Variants in PIEZO2 observed in about 807,000 individuals in gnomAD.
PIEZO2 encodes the protein piezo type mechanosensitive ion channel component 2, also known as piezo-type mechanosensitive ion channel component 2.
Under a neutral mutation model 337.3 loss-of-function variants are expected in PIEZO2, and 172 were observed. The observed-to-expected ratio is 0.51, with a 90% CI of 0.45 to 0.58. The LOEUF is 0.58. PIEZO2 is among the 20% of genes least tolerant of loss of function. PIEZO2 has a pLI of 0.00. For missense variants in PIEZO2, 3,028 were observed against 3,391.3 expected (o/e 0.89, Z 2.66); for synonymous variants, 1,251 against 1,228.5 (o/e 1.02, Z -0.38).
In PIEZO2 at chr18:11,033,301, T is replaced by C. The variant is rs142327325; in HGVS notation, c.160+32826A>G. On this transcript the variant is annotated intron_variant, in intron 2 of 55. Transcript: ENST00000674853. This position sits in a 1 kb window ranked among gnomAD's most constrained non-coding sequence, Gnocchi z 4.2. ...ATCTGACTCTAACATCATTCCTGGC[T>C]GTAGACACTAGACCACCAGGACTTA... Among the ~76,000 whole-genome samples, 42 of 152,314 alleles carry C rather than the reference T, an allele frequency of 2.8e-4. No homozygotes were observed. In the East Asian group the frequency reaches 7.3e-3, roughly 27 times the overall value.
At chr18:10,986,720 A>G (rs562573617) in intron 2 of PIEZO2, among the ~76,000 whole-genome samples, 1 of 152,128 alleles carries the variant, frequency 6.6e-6, no homozygotes, top group African/African-American at 2.4e-5. Flanking sequence ...ACTAACCGGA[A>G]CAGTTATGGT....
intron 21 of PIEZO2, among the ~76,000 whole-genome samples, chr18:10,769,332 A>T (rs1598455757): frequency 6.6e-6 from 1 of 152,174 alleles, no homozygotes; most frequent in Admixed American, 6.5e-5. Context: ...CCCATTTCAT[A>T]TGGTTTGTAT....
chr18:10,992,570 C>G (rs141979842), intron 2 of PIEZO2, among the ~76,000 whole-genome samples: 6,792 of 152,178 alleles, frequency 0.045, 213 homozygotes, highest in South Asian at 0.081. Flanking sequence ...GGCCTCTGTC[C>G]TGTTCTATTG....
chr18:11,019,594 T>C (rs2036240226), intron 2 of PIEZO2, among the ~76,000 whole-genome samples: 1 of 152,020 alleles, frequency 6.6e-6, no homozygotes, highest in African/African-American at 2.4e-5. Context: ...AGTTTTCTAG[T>C]TTCTCTTGTG....
chr18:11,125,184 T>C lies in PIEZO2; in HGVS notation c.64+23341A>G, dbSNP rs115193779. Among the ~76,000 whole-genome samples, 574 of 151,974 alleles carry C rather than the reference T, an allele frequency of 3.8e-3. 3 individuals carry two copies. The highest frequency in any genetic ancestry group is 6.8e-3 in the Non-Finnish European group (465 of 67,940). The stretch of plus-strand genomic sequence containing the variant: ...CACACACACATGCACACATACAAAA[T>C]ACACACACCGTCTATCCTGCCAGGC... On this transcript the variant is annotated intron_variant, in intron 1 of 55. Coordinates refer to ENST00000674853, the MANE Select transcript of PIEZO2 (RefSeq NM_001378183.1). The surrounding 1 kb of genome is among the most constrained non-coding windows in gnomAD (Gnocchi z 4.4).
chr18:10,729,888 G>A (rs2036697539), intron 36 of PIEZO2, among the ~76,000 whole-genome samples: 1 of 152,154 alleles, frequency 6.6e-6, no homozygotes, highest in Non-Finnish European at 1.5e-5. Context: ...ACTTAATAAT[G>A]TGTCAGGAAT....
chr18:11,102,679 G>A lies in PIEZO2; in HGVS notation c.65-36457C>T, dbSNP rs2039455359. 6.6e-6 allele frequency among the ~76,000 whole-genome samples: 1 copy of A among 152,182 alleles called. No individual in the cohort carries two copies. The highest frequency in any genetic ancestry group is 2.4e-5 in the African/African-American group (1 of 41,440). ...GCCCCCAGTGATCTGTCTCCAGAGG[G>A]AAAGGCACTGCCCCCTTCCAATTGC... On this transcript the variant is annotated intron_variant, in intron 1 of 55. Coordinates refer to ENST00000674853, the MANE Select transcript of PIEZO2 (RefSeq NM_001378183.1). This position sits in a 1 kb window ranked among gnomAD's most constrained non-coding sequence, Gnocchi z 5.7.
In PIEZO2 at chr18:10,863,252, G is replaced by A. The variant is rs542781700; in HGVS notation, c.493-6041C>T. Among the ~76,000 whole-genome samples the A allele has an allele frequency of 7.9e-5, 12 of 152,286 alleles. No homozygotes were observed. Among genetic ancestry groups the A allele is most frequent in the African/African-American group, 2.9e-4 (12 of 41,552 alleles). On this transcript the variant is annotated intron_variant, in intron 5 of 55. Coordinates refer to ENST00000674853, the MANE Select transcript of PIEZO2 (RefSeq NM_001378183.1). The surrounding 1 kb of genome is among the most constrained non-coding windows in gnomAD (Gnocchi z 4.3). ...TGCAGAAGATGAATTTCATCCCCAG[G>A]GTTCCCTTGTGAAAGGAAGCAGTGA...
rs58957134 is a variant in PIEZO2 at position 10,952,882 on chromosome 18, CCTTT to C, written c.286+26649_286+26652del. 0.42 allele frequency among the ~76,000 whole-genome samples: 63,578 copies of C among 150,480 alleles called. 14,220 individuals carry two copies. Among genetic ancestry groups the C allele is most frequent in the Non-Finnish European group, 0.51 (34,455 of 67,626 alleles). ...AATGCCTTCCCTTCCTTCCTTCCTT[CCTTT>C]CATCCCTCCCTCCATCCCTCCCTCC... On this transcript the variant is annotated intron_variant, in intron 3 of 55. Coordinates refer to ENST00000674853, the MANE Select transcript of PIEZO2 (RefSeq NM_001378183.1). The surrounding 1 kb of genome is among the most constrained non-coding windows in gnomAD (Gnocchi z 4.1).
Position 11,011,503 on chromosome 18 carries a change from T to A in PIEZO2, c.161-31843A>T, listed in dbSNP as rs114647534. On this transcript the variant is annotated intron_variant, in intron 2 of 55. Coordinates refer to ENST00000674853, the MANE Select transcript of PIEZO2 (RefSeq NM_001378183.1). ...TCCCTCCCATGGCTAACATAGCTAA[T>A]AATGTCCTTATTACCTCATGCAGTG... is the stretch of plus-strand genomic sequence containing the variant. Among the ~76,000 whole-genome samples, 1,335 of 152,324 alleles carry A rather than the reference T, an allele frequency of 8.8e-3. 21 individuals are homozygous for A. Among genetic ancestry groups the A allele is most frequent in the African/African-American group, 0.03 (1,244 of 41,570 alleles).
rs1300062510 is a variant in PIEZO2, at chr18:10,718,276, A to T, written c.5030-17T>A. ...CCACAGGACCTGCCAAGTGTGTTCA[A>T]TAAAGATGAGTTAAATTCCATCTAG... On this transcript the variant is annotated splice_polypyrimidine_tract_variant and intron_variant, in intron 36 of 55. Transcript: ENST00000674853. The T allele has an allele frequency of 6.5e-7, 1 of 1,532,226 alleles. No homozygotes were observed. Among genetic ancestry groups the T allele is most frequent in the Non-Finnish European group, 8.8e-7 (1 of 1,142,390 alleles). 94.9% of individuals were successfully genotyped at this position (1,532,226 alleles called of 1,614,324 possible). A position where few individuals can be genotyped will look rare whatever the true frequency, so the allele number is the denominator to read the frequency against.
chr18:11,132,046 G>C lies in PIEZO2; in HGVS notation c.64+16479C>G, dbSNP rs116691620. ...CAGCAGAGACCAATACTGAGCCCTCGATATGTCACCTTTCCTCAGGGTGAT... is the reference window on the plus strand; with the variant it reads ...CAGCAGAGACCAATACTGAGCCCTCCATATGTCACCTTTCCTCAGGGTGAT... On this transcript the variant is annotated intron_variant, in intron 1 of 55. Transcript: ENST00000674853. This position sits in a 1 kb window ranked among gnomAD's most constrained non-coding sequence, Gnocchi z 4.7. Among the ~76,000 whole-genome samples the C allele has an allele frequency of 6.6e-6, 1 of 152,256 alleles. No individual in the cohort carries two copies. The highest frequency in any genetic ancestry group is 2.4e-5 in the African/African-American group (1 of 41,540).
At chr18:10,715,355 T>C (rs2035971306) in intron 38 of PIEZO2, among the ~76,000 whole-genome samples, 1 of 152,184 alleles carries the variant, frequency 6.6e-6, no homozygotes, top group African/African-American at 2.4e-5. Flanking sequence ...CTATTAGATA[T>C]AGGGATATAG....
intron 2 of PIEZO2, among the ~76,000 whole-genome samples, chr18:11,024,847 CA>C (rs1444897471): frequency 2.0e-5 from 3 of 151,790 alleles, no homozygotes; most frequent in African/African-American, 4.8e-5. Flanking sequence ...CCATGTTGAC[CA>C]GGGGGGTCTC....
At chr18:10,887,379 T>A (rs537726693) in intron 4 of PIEZO2, among the ~76,000 whole-genome samples, 32 of 152,144 alleles carry the variant, frequency 2.1e-4, no homozygotes, top group Admixed American at 1.4e-3. Context: ...GACACACATT[T>A]TTAAATGACC....
rs892390988 is a variant in PIEZO2, at chr18:10,943,283, A to G, written c.287-32055T>C. On this transcript the variant is annotated intron_variant, in intron 3 of 55. Coordinates refer to ENST00000674853, the MANE Select transcript of PIEZO2 (RefSeq NM_001378183.1). The surrounding 1 kb of genome is among the most constrained non-coding windows in gnomAD (Gnocchi z 4.5). ...CCAACAGCTTGCACCATGTGCCTGG[A>G]AAAGCCGCAGACACTCAACTCCAAC... Among the ~76,000 whole-genome samples the G allele has an allele frequency of 1.3e-5, 2 of 152,188 alleles. No individual in the cohort carries two copies. Among genetic ancestry groups the G allele is most frequent in the African/African-American group, 4.8e-5 (2 of 41,456 alleles).
rs2145499561 is a variant in PIEZO2, at chr18:10,982,209, T to G, written c.161-2549A>C. On this transcript the variant is annotated intron_variant, in intron 2 of 55. Transcript: ENST00000674853. The surrounding 1 kb of genome is among the most constrained non-coding windows in gnomAD (Gnocchi z 4.1). The stretch of plus-strand genomic sequence containing the variant: ...TTATTTGTTTGTAAATATCCATTAC[T>G]AGGTGTATTCGGGTTCTCTAGAGGG... Among the ~76,000 whole-genome samples, 1 of 152,318 alleles carries G rather than the reference T, an allele frequency of 6.6e-6. No homozygotes were observed. Among genetic ancestry groups the G allele is most frequent in the South Asian group, 2.1e-4 (1 of 4,820 alleles).
chr18:10,686,209 C>A (rs151130944), intron 49 of PIEZO2, among the ~76,000 whole-genome samples: 2 of 152,180 alleles, frequency 1.3e-5, no homozygotes, highest in Non-Finnish European at 2.9e-5. Context: ...ACCCATCCTA[C>A]CTTTGAAACT....
intron 4 of PIEZO2, among the ~76,000 whole-genome samples, chr18:10,881,177 A>G (rs1397136428): frequency 6.6e-6 from 1 of 152,082 alleles, no homozygotes; most frequent in Non-Finnish European, 1.5e-5. Flanking sequence ...GCAGATATCT[A>G]ATTACCTTAA....
Sources: allele counts gnomAD v4.1 joint callset (sites outside exome capture counted in the v4.1 genomes callset), GRCh38; gene constraint gnomAD v4.1.1; non-coding constraint Gnocchi (gnomAD v3.1); transcripts MANE v1.5; gene names NCBI Gene and HGNC (gene_info 2026-07-23, HGNC 2026-07-21).